NUP37: variants seen among roughly 807,000 people sequenced by gnomAD.
The protein encoded by NUP37 is nucleoporin 37.
NUP37 carries 33 observed loss-of-function variants against 45.4 expected under a neutral mutation model. That is an observed-to-expected ratio of 0.73 (90% CI 0.55 to 0.97). NUP37 has a LOEUF of 0.97. NUP37 is among the 50% of genes least tolerant of loss of function. The pLI is 0.00. For synonymous variants in NUP37, 127 were observed against 130.7 expected (o/e 0.97, Z 0.19); for missense variants, 365 against 389.7 (o/e 0.94, Z 0.53).
Position 102,112,205 on chromosome 12 carries a change from G to GA in NUP37, c.183dup (p.Gln62SerfsTer3). ...TGAAATGTTCGAAGTGTTTTATACTGAATGCCTTCAACGTCTGCTTCTTCT... is the reference window on the plus strand; with the variant it reads ...TGAAATGTTCGAAGTGTTTTATACTGAAATGCCTTCAACGTCTGCTTCTTCT... On this transcript the variant is annotated frameshift_variant, in exon 3 of 10. Transcript: ENST00000552283. LOFTEE classifies it high-confidence loss of function. The GA allele has an allele frequency of 6.2e-7, 1 of 1,612,372 alleles. No individual in the cohort carries two copies. The highest frequency in any genetic ancestry group is 8.5e-7 in the Non-Finnish European group (1 of 1,178,882).
intron 7 of NUP37, 115 bp downstream of exon 7, chr12:102,077,207 A>T (rs1879194938): frequency 9.3e-7 from 1 of 1,071,556 alleles, no homozygotes; most frequent in Admixed American, 1.8e-5. Flanking sequence ...TATAGGAAAG[A>T]CTTGCTTTCG....
intron 2 of NUP37, among the ~76,000 whole-genome samples, chr12:102,113,707 T>G (rs996305758): frequency 3.3e-5 from 5 of 152,212 alleles, no homozygotes; most frequent in Admixed American, 1.3e-4. Flanking sequence ...TTATAAAGTA[T>G]CAGGGAAAAA....
chr12:102,099,302 C>T, intron 4 of NUP37, 102 bp from the exon 5 acceptor site: 2 of 742,000 alleles, frequency 2.7e-6, no homozygotes, highest in South Asian at 3.2e-5. Context: ...GCTTTCACTG[C>T]CTGTTTTTCT....
At chr12:102,087,032 G>A (rs941051646) in intron 5 of NUP37, among the ~76,000 whole-genome samples, 4 of 152,186 alleles carry the variant, frequency 2.6e-5, no homozygotes, top group East Asian at 3.9e-4. Flanking sequence ...CACAGGAGGT[G>A]GAGGCTACAA....
In NUP37 at chr12:102,106,966, C is replaced by G. The variant is rs538008505; in HGVS notation, c.281+5142G>C. 3.3e-5 allele frequency among the ~76,000 whole-genome samples: 5 copies of G among 152,280 alleles called. No homozygotes were observed. In the East Asian group the frequency reaches 9.6e-4, roughly 29 times the overall value. ...TCATTGCATCTGCACAATGAGGCAC[C>G]AGACCCCTCGTTTGTCATGACTGGT... On this transcript the variant is annotated intron_variant, in intron 3 of 9. Transcript: ENST00000552283.
chr12:102,111,742 C>T (rs1880321467), intron 3 of NUP37, among the ~76,000 whole-genome samples: 1 of 152,086 alleles, frequency 6.6e-6, no homozygotes. Flanking sequence ...TGATCTTGGC[C>T]TATGGGTGGG....
chr12:102,081,269 G>A (rs923972941), intron 6 of NUP37, among the ~76,000 whole-genome samples: 10 of 152,174 alleles, frequency 6.6e-5, no homozygotes, highest in African/African-American at 2.4e-4. Flanking sequence ...TCTAACAAAA[G>A]ATTTTTGTTA....
intron 5 of NUP37, among the ~76,000 whole-genome samples, chr12:102,096,686 A>C (rs76248942): frequency 0.041 from 6,315 of 152,254 alleles, 403 homozygotes; most frequent in East Asian, 0.3. Context: ...TAATGTAAGA[A>C]TATATATGTG....
intron 6 of NUP37, among the ~76,000 whole-genome samples, chr12:102,078,324 C>T (rs1879237669): frequency 7.0e-6 from 1 of 143,808 alleles, no homozygotes; most frequent in African/African-American, 2.6e-5. Flanking sequence ...GAAATTCCTT[C>T]TTTAAAAAAA....
chr12:102,088,865 G>C (rs1002780959), intron 5 of NUP37, among the ~76,000 whole-genome samples: 3 of 151,312 alleles, frequency 2.0e-5, no homozygotes, highest in Non-Finnish European at 2.9e-5. Flanking sequence ...GCGGCCTTCC[G>C]CAGTGTTTGT....
rs374990864 is a variant in NUP37, at chr12:102,112,240, T to C, written c.157-8A>G. The C allele has an allele frequency of 3.3e-5, 53 of 1,605,314 alleles. No homozygotes were observed. The highest frequency in any genetic ancestry group is 4.4e-5 in the Non-Finnish European group (52 of 1,173,244). On this transcript the variant is annotated splice_region_variant and splice_polypyrimidine_tract_variant and intron_variant, in intron 2 of 9. Coordinates refer to ENST00000552283, the MANE Select transcript of NUP37 (RefSeq NM_024057.4). ...AACGTCTGCTTCTTCTTCCTAAGCA[T>C]ACACAGTAAATGTTTTAATAAGTAA...
chr12:102,097,582 A>G (rs944516542), intron 5 of NUP37, among the ~76,000 whole-genome samples: 2 of 152,182 alleles, frequency 1.3e-5, no homozygotes, highest in African/African-American at 4.8e-5. Flanking sequence ...AAACAAAAAC[A>G]TAGACTACTG....
intron 3 of NUP37, 36 bp from the exon 4 acceptor site, chr12:102,101,140 G>A (rs1365354345): frequency 1.5e-6 from 2 of 1,303,536 alleles, no homozygotes; most frequent in African/African-American, 1.5e-5. Flanking sequence ...CCAATTTTTA[G>A]CCTTTGTAAG....
At chr12:102,091,399 C>CAAAAAAAAAAA (rs1163474160) in intron 5 of NUP37, among the ~76,000 whole-genome samples, 1 of 37,800 alleles carries the variant, frequency 2.6e-5, no homozygotes, top group African/African-American at 1.1e-4. Flanking sequence ...GACTCCGTCT[C>CAAAAAAAAAAA]AAAAAAAAAA....
At chr12:102,103,033 C>T (rs903426587) in intron 3 of NUP37, among the ~76,000 whole-genome samples, 2 of 139,084 alleles carry the variant, frequency 1.4e-5, no homozygotes, top group Non-Finnish European at 3.1e-5. Flanking sequence ...GTGATGCCTC[C>T]GGGTTTGTTC....
At chr12:102,083,133 T>C (rs1207456029) in intron 6 of NUP37, among the ~76,000 whole-genome samples, 2 of 152,180 alleles carry the variant, frequency 1.3e-5, no homozygotes, top group African/African-American at 2.4e-5. Context: ...AAATTAAGCA[T>C]TAAGATGTAA....
chr12:102,088,918 C>T (rs536852553), intron 5 of NUP37, among the ~76,000 whole-genome samples: 4 of 151,932 alleles, frequency 2.6e-5, no homozygotes, highest in Non-Finnish European at 5.9e-5. Context: ...TGACTCTTAA[C>T]GAGCATGCTG....
At chr12:102,078,324 CT>C (rs72096550) in intron 6 of NUP37, among the ~76,000 whole-genome samples, 33,774 of 143,624 alleles carry the variant, frequency 0.24, 3,915 homozygotes, top group East Asian at 0.43. Context: ...GAAATTCCTT[CT>C]TTAAAAAAAA....
At chr12:102,104,042 G>A (rs565821976) in intron 3 of NUP37, among the ~76,000 whole-genome samples, 5 of 152,212 alleles carry the variant, frequency 3.3e-5, no homozygotes, top group Admixed American at 1.3e-4. Flanking sequence ...GGAACCTTTG[G>A]AATGTTTTTC....
Sources: allele counts gnomAD v4.1 joint callset (sites outside exome capture counted in the v4.1 genomes callset), GRCh38; gene constraint gnomAD v4.1.1; transcripts MANE v1.5; gene names NCBI Gene and HGNC (gene_info 2026-07-23, HGNC 2026-07-21).